CERS1: variants seen among roughly 807,000 people sequenced by gnomAD.
CERS1 encodes the protein ceramide synthase 1, also known as Embryonic growth/differentiation factor 1.
CERS1 carries 16 observed loss-of-function variants against 35.7 expected under a neutral mutation model. That is an observed-to-expected ratio of 0.45 (90% CI 0.30 to 0.68). The LOEUF (loss-of-function observed/expected upper bound fraction) is 0.68. CERS1 is among the 30% of genes least tolerant of loss of function. The pLI is 0.08. For synonymous variants in CERS1, 243 were observed against 201.6 expected (o/e 1.21, Z -1.74); for missense variants, 454 against 453.9 (o/e 1.00, Z 0.00).
Position 18,868,698 on chromosome 19 carries a change from C to T in CERS1, c.*1287G>A, listed in dbSNP as rs1320776392. 1 of 1,556,802 alleles carries T rather than the reference C, an allele frequency of 6.4e-7. No individual in the cohort carries two copies. Among genetic ancestry groups the T allele is most frequent in the Admixed American group, 1.9e-5 (1 of 52,270 alleles). On this transcript the variant is annotated 3_prime_UTR_variant, in exon 8 of 8. Coordinates refer to ENST00000623882, the MANE Select transcript of CERS1 (RefSeq NM_021267.5). ...AGCACGGAGATGGGCGACAGGCGCG[C>T]GGGCACGCAGCAGGGCAGGTCGGCG...
chr19:18,868,721 G>T lies in CERS1; in HGVS notation c.*1264C>A. 4 of 1,541,942 alleles carry T rather than the reference G, an allele frequency of 2.6e-6. No homozygotes were observed. Among genetic ancestry groups the T allele is most frequent in the Non-Finnish European group, 3.5e-6 (4 of 1,141,556 alleles). On this transcript the variant is annotated 3_prime_UTR_variant, in exon 8 of 8. Transcript: ENST00000623882. ...CGCGGGCACGCAGCAGGGCAGGTCG[G>T]CGGCTCCCGGGGCGGCCGCGTGCAT... is the stretch of plus-strand genomic sequence containing the variant.
rs772483004 is a variant in CERS1, at chr19:18,869,242, G to C, written c.*743C>G. 8.4e-6 allele frequency: 12 copies of C among 1,420,244 alleles called. No homozygotes were observed. In the East Asian group the frequency reaches 3.4e-4, roughly 40 times the overall value. The allele number at this position is 1,420,244 out of a possible 1,614,324, so 88.0% of individuals were successfully genotyped here. On this transcript the variant is annotated 3_prime_UTR_variant, in exon 8 of 8. Transcript: ENST00000623882. ...CGCTCAGCTCCCAGCCGCCCTCCGGGGCTGCCGCCGCCGCCGCCGCGAAAC... is the reference window on the plus strand; with the variant it reads ...CGCTCAGCTCCCAGCCGCCCTCCGGCGCTGCCGCCGCCGCCGCCGCGAAAC...
chr19:18,885,386 T>G (rs977543021), intron 2 of CERS1, among the ~76,000 whole-genome samples: 2 of 151,628 alleles, frequency 1.3e-5, no homozygotes, highest in African/African-American at 2.4e-5. Flanking sequence ...TTTTTTAATT[T>G]TTGTGTTGCC....
intron 6 of CERS1, among the ~76,000 whole-genome samples, chr19:18,872,107 A>T (rs1427678256): frequency 6.6e-6 from 1 of 152,156 alleles, no homozygotes; most frequent in African/African-American, 2.4e-5. Context: ...TAGTTTCTCC[A>T]CTCAGTTCCC....
Position 18,878,642 on chromosome 19 carries a change from C to T in CERS1, c.1010+288G>A. ...ACAGGGCCCTGGCTCGCCACTCCCG[C>T]CACACCAGCCACTAGGCCTGGCCCT... On this transcript the variant is annotated intron_variant, in intron 6 of 7. Coordinates refer to ENST00000623882, the MANE Select transcript of CERS1 (RefSeq NM_021267.5). The surrounding 1 kb of genome is among the most constrained non-coding windows in gnomAD (Gnocchi z 4.6). 3.2e-6 allele frequency: 4 copies of T among 1,236,876 alleles called. No individual in the cohort carries two copies. The highest frequency in any genetic ancestry group is 3.1e-6 in the Non-Finnish European group (3 of 978,890). The allele number at this position is 1,236,876 out of a possible 1,614,324, so 76.6% of individuals were successfully genotyped here. A position where few individuals can be genotyped will look rare whatever the true frequency, so the allele number is the denominator to read the frequency against.
chr19:18,877,756 C>CAAA (rs386388683), intron 6 of CERS1, among the ~76,000 whole-genome samples: 1,730 of 103,752 alleles, frequency 0.017, 82 homozygotes, highest in African/African-American at 0.046. Context: ...GACCCTGTCT[C>CAAA]AAAAAAAAAA....
chr19:18,873,738 G>A (rs925565109), intron 6 of CERS1, among the ~76,000 whole-genome samples: 10 of 151,978 alleles, frequency 6.6e-5, no homozygotes, highest in Non-Finnish European at 1.2e-4. Flanking sequence ...CTACTCGGGA[G>A]GCTGAGGCAG....
At position 18,895,809 on chromosome 19, in the gene CERS1, C is replaced by A; in HGVS notation, c.249+15G>T. The A allele has an allele frequency of 8.1e-7, 1 of 1,236,236 alleles. No individual in the cohort carries two copies. Among genetic ancestry groups the A allele is most frequent in the Non-Finnish European group, 1.0e-6 (1 of 982,666 alleles). 76.6% of individuals were successfully genotyped at this position (1,236,236 alleles called of 1,614,324 possible). A position where few individuals can be genotyped will look rare whatever the true frequency, so the allele number is the denominator to read the frequency against. On this transcript the variant is annotated intron_variant, in intron 1 of 7. Coordinates refer to ENST00000623882, the MANE Select transcript of CERS1 (RefSeq NM_021267.5). This position sits in a 1 kb window ranked among gnomAD's most constrained non-coding sequence, Gnocchi z 6.4. ...AGTCCGGGGTCCCCTCGTCCCGGCC[C>A]CCGGCCACACTGACCCGAAAGAGGC...
In CERS1 at chr19:18,895,839, A is replaced by G. The variant is rs113536478; in HGVS notation, c.234T>C (p.Thr78=). The G allele has an allele frequency of 0.2, 251,556 of 1,279,768 alleles. 27,646 individuals carry two copies. The highest frequency in any genetic ancestry group is 0.45 in the African/African-American group (28,215 of 62,562). 79.3% of individuals were successfully genotyped at this position (1,279,768 alleles called of 1,614,324 possible). A position where few individuals can be genotyped will look rare whatever the true frequency, so the allele number is the denominator to read the frequency against. Residue 78 remains threonine (T), a synonymous_variant, in exon 1 of 8, where the codon ACT becomes ACC. Transcript: ENST00000623882. The surrounding 1 kb of genome is among the most constrained non-coding windows in gnomAD (Gnocchi z 6.4). ...CCACACTGACCCGAAAGAGGCGCGCAGTGGCCGCGGAGCGCAGGGCGGTCC... is the reference window on the plus strand; with the variant it reads ...CCACACTGACCCGAAAGAGGCGCGCGGTGGCCGCGGAGCGCAGGGCGGTCC... ...LGWTALRSAA[T]ARLFRPLAKR...
At chr19:18,882,719 G>A (rs1254431896) in intron 3 of CERS1, among the ~76,000 whole-genome samples, 1 of 150,996 alleles carries the variant, frequency 6.6e-6, no homozygotes, top group Non-Finnish European at 1.5e-5. Context: ...TTGAGACGGA[G>A]TCTCGCTCTG....
At chr19:18,884,867 C>T (rs1478407699) in intron 2 of CERS1, among the ~76,000 whole-genome samples, 1 of 151,954 alleles carries the variant, frequency 6.6e-6, no homozygotes, top group African/African-American at 2.4e-5. Flanking sequence ...GCGCTGGACA[C>T]CATGCCCGGC....
Position 18,870,162 on chromosome 19 carries a change from G to C in CERS1, c.*415C>G, listed in dbSNP as rs748219517. 5.8e-6 allele frequency: 9 copies of C among 1,562,296 alleles called. No individual in the cohort carries two copies. The highest frequency in any genetic ancestry group is 7.8e-6 in the Non-Finnish European group (9 of 1,160,028). On this transcript the variant is annotated 3_prime_UTR_variant, in exon 7 of 8. Transcript: ENST00000623882. This position sits in a 1 kb window ranked among gnomAD's most constrained non-coding sequence, Gnocchi z 5.1. Reference sequence around the variant, plus strand: ...CGGCCGGAGCCTGGGGGCACCCTGGGGCTCATCGCGCAGTCCTAGAGCCTG... The same window carrying C: ...CGGCCGGAGCCTGGGGGCACCCTGGCGCTCATCGCGCAGTCCTAGAGCCTG...
In CERS1 at chr19:18,884,091, A is replaced by G; in HGVS notation, c.586T>C (p.Phe196Leu). 1 of 1,611,940 alleles carries G rather than the reference A, an allele frequency of 6.2e-7. No homozygotes were observed. The highest frequency in any genetic ancestry group is 1.1e-5 in the South Asian group (1 of 90,876). The change falls in exon 3 of 8, where the codon TTC becomes CTC. Residue 196 changes from phenylalanine to leucine, a missense_variant. Transcript: ENST00000623882. ...GCCACCCGATCCTGTCCTTACCGGA[A>G]GGCGTAGGAGGAGACGATGAGGATG... ...TLILIVSSYA[F>L]RYHNVGILVL...
chr19:18,879,422 A>AG, intron 4 of CERS1, 34 bp from the exon 5 acceptor site: 1 of 1,549,354 alleles, frequency 6.5e-7, no homozygotes, highest in Non-Finnish European at 8.7e-7. Context: ...CCGTGGGTGG[A>AG]GGGGGACGGT....
chr19:18,878,149 G>C lies in CERS1; in HGVS notation c.1010+781C>G. The C allele has an allele frequency of 1.0e-6, 1 of 985,524 alleles. No homozygotes were observed. Among genetic ancestry groups the C allele is most frequent in the Non-Finnish European group, 1.2e-6 (1 of 830,048 alleles). 61.0% of individuals were successfully genotyped at this position (985,524 alleles called of 1,614,324 possible). A position where few individuals can be genotyped will look rare whatever the true frequency, so the allele number is the denominator to read the frequency against. On this transcript the variant is annotated intron_variant, in intron 6 of 7. Coordinates refer to ENST00000623882, the MANE Select transcript of CERS1 (RefSeq NM_021267.5). The surrounding 1 kb of genome is among the most constrained non-coding windows in gnomAD (Gnocchi z 4.6). Reference sequence around the variant, plus strand: ...GATGGCCCCCACCGGCCAAATCAGAGGGCCTGGCTGGTCGGCACCTTCCAG... The same window carrying C: ...GATGGCCCCCACCGGCCAAATCAGACGGCCTGGCTGGTCGGCACCTTCCAG...
Position 18,895,925 on chromosome 19 carries a change from C to T in CERS1, c.148G>A (p.Ala50Thr). ...CGWGLARRGL[A>T]EHAHLAPPEL... ...GGCGGCGCCAGGTGCGCGTGCTCAG[C>T]CAGGCCGCGACGCGCCAGCCCCCAG... Residue 50 changes from alanine to threonine, a missense_variant, in exon 1 of 8, where the codon GCT (alanine) becomes ACT (threonine). Physicochemically the swap from Ala to Thr is moderately conservative, Grantham distance 58. Coordinates refer to ENST00000623882, the MANE Select transcript of CERS1 (RefSeq NM_021267.5). The surrounding 1 kb of genome is among the most constrained non-coding windows in gnomAD (Gnocchi z 6.4). 8.2e-7 allele frequency: 1 copy of T among 1,217,886 alleles called. No individual in the cohort carries two copies. The highest frequency in any genetic ancestry group is 1.0e-6 in the Non-Finnish European group (1 of 976,050). The allele number at this position is 1,217,886 out of a possible 1,614,324, so 75.4% of individuals were successfully genotyped here.
At chr19:18,889,881 C>T (rs968825029) in intron 2 of CERS1, among the ~76,000 whole-genome samples, 1 of 152,204 alleles carries the variant, frequency 6.6e-6, no homozygotes, top group African/African-American at 2.4e-5. Context: ...CTTCCTTTCA[C>T]ACCACCTCTA....
rs952557021 is a variant in CERS1, at chr19:18,870,791, C to A, written c.1011-172G>T. On this transcript the variant is annotated intron_variant, in intron 6 of 7. Transcript: ENST00000623882. The surrounding 1 kb of genome is among the most constrained non-coding windows in gnomAD (Gnocchi z 5.1). ...TTCACCCTGCCCCTCCTTGCCTTCA[C>A]CCTGCCCCTCCTTCAACCTGCCCCG... is the stretch of plus-strand genomic sequence containing the variant. Among the ~76,000 whole-genome samples the A allele has an allele frequency of 1.4e-4, 21 of 152,108 alleles. No homozygotes were observed. Among genetic ancestry groups the A allele is most frequent in the African/African-American group, 5.1e-4 (21 of 41,420 alleles).
intron 2 of CERS1, among the ~76,000 whole-genome samples, chr19:18,888,657 C>A (rs1194021993): frequency 6.6e-6 from 1 of 151,310 alleles, no homozygotes; most frequent in Non-Finnish European, 1.5e-5. Flanking sequence ...ATGGTGAAAC[C>A]CTGTCTCTAC....
Sources: gnomAD v4.1 joint callset for allele counts (sites outside exome capture counted in the v4.1 genomes callset) on GRCh38, gnomAD v4.1.1 for gene constraint, Gnocchi (gnomAD v3.1) non-coding constraint, MANE v1.5 for transcripts, NCBI Gene and HGNC (gene_info 2026-07-23, HGNC 2026-07-21) for gene names.